Variants in RALGPS2 observed in about 807,000 individuals in gnomAD.
The protein encoded by RALGPS2 is ras-specific guanine nucleotide-releasing factor RalGPS2.
A neutral mutation model predicts 86.8 loss-of-function variants in RALGPS2; 43 were observed. That is an observed-to-expected ratio of 0.50 (90% CI 0.39 to 0.64). RALGPS2 has a LOEUF of 0.64. Ranked by LOEUF, RALGPS2 falls within the 30% of genes least tolerant of loss-of-function variation. The pLI is 0.00. For missense variants in RALGPS2, 536 were observed against 694.6 expected (o/e 0.77, Z 2.57); for synonymous variants, 243 against 231.3 (o/e 1.05, Z -0.46).
chr1:178,809,479 G>T (rs1654879335), intron 5 of RALGPS2, among the ~76,000 whole-genome samples: 1 of 151,158 alleles, frequency 6.6e-6, no homozygotes, highest in Non-Finnish European at 1.5e-5. Context: ...ATTTGTTTTT[G>T]ATCTCTAGAG....
chr1:178,819,921 A>G (rs571520451), intron 6 of RALGPS2, among the ~76,000 whole-genome samples: 1 of 152,144 alleles, frequency 6.6e-6, no homozygotes, highest in Non-Finnish European at 1.5e-5. Flanking sequence ...AAAATGTAGT[A>G]CACATCCATA....
chr1:178,800,431 A>G (rs1654414500), intron 4 of RALGPS2, among the ~76,000 whole-genome samples: 1 of 152,082 alleles, frequency 6.6e-6, no homozygotes, highest in South Asian at 2.1e-4. Context: ...AGACAACAAG[A>G]CCAACCCCTT....
At chr1:178,730,153 G>A (rs931052908) in intron 1 of RALGPS2, among the ~76,000 whole-genome samples, 9 of 152,130 alleles carry the variant, frequency 5.9e-5, no homozygotes, top group African/African-American at 2.2e-4. Flanking sequence ...TGTTGGCCAG[G>A]CTGTGAACTC....
chr1:178,843,300 A>G (rs1656688785), intron 8 of RALGPS2, among the ~76,000 whole-genome samples: 4 of 135,470 alleles, frequency 3.0e-5, no homozygotes, highest in African/African-American at 8.6e-5. Context: ...TGGCACATAT[A>G]CACCATGGAA....
intron 1 of RALGPS2, among the ~76,000 whole-genome samples, chr1:178,742,630 C>A (rs1169800508): frequency 6.6e-6 from 1 of 152,142 alleles, no homozygotes; most frequent in African/African-American, 2.4e-5. Context: ...TACAGAATCT[C>A]CACCCAACAA....
At chr1:178,782,842 A>G (rs1653461714) in intron 2 of RALGPS2, among the ~76,000 whole-genome samples, 1 of 152,156 alleles carries the variant, frequency 6.6e-6, no homozygotes, top group African/African-American at 2.4e-5. Flanking sequence ...AACAACACCA[A>G]ATTATAAGCA....
At chr1:178,759,831 A>T (rs889692954) in intron 1 of RALGPS2, among the ~76,000 whole-genome samples, 3 of 151,302 alleles carry the variant, frequency 2.0e-5, no homozygotes, top group Admixed American at 1.3e-4. Flanking sequence ...TATGTATTTA[A>T]TTTTTTTTGT....
In RALGPS2 at chr1:178,874,385, A is replaced by G. The variant is rs1658905945; in HGVS notation, c.608-3113A>G. Among the ~76,000 whole-genome samples, 4 of 152,214 alleles carry G rather than the reference A, an allele frequency of 2.6e-5. No individual in the cohort carries two copies. The South Asian group carries it at 8.3e-4, about 32-fold the overall frequency. ...TCAAATACACCTCAATTCAGAATAG[A>G]CCCACGAAACAGTAGTCACATGTGG... On this transcript the variant is annotated intron_variant, in intron 8 of 19. Transcript: ENST00000367635.
At chr1:178,839,614 A>C (rs961785377) in intron 8 of RALGPS2, among the ~76,000 whole-genome samples, 3 of 152,176 alleles carry the variant, frequency 2.0e-5, no homozygotes, top group African/African-American at 7.2e-5. Context: ...CTAATGAGCA[A>C]AATAACCAGC....
rs142157215 is a variant in RALGPS2 at position 178,918,969 on chromosome 1, C to G, written c.*2610C>G. On this transcript the variant is annotated 3_prime_UTR_variant, in exon 20 of 20. Transcript: ENST00000367635. ...CAGCATTCAGGTCATTTGTTTCACC[C>G]TTAGCCAAGAAGAACTCATTAGAAA... is the stretch of plus-strand genomic sequence containing the variant. 9.9e-5 allele frequency: 15 copies of G among 152,112 alleles called. No individual in the cohort carries two copies. In the East Asian group the frequency reaches 2.9e-3, roughly 29 times the overall value. The allele number at this position is 152,112 out of a possible 1,614,324, so 9.4% of individuals were successfully genotyped here. A position where few individuals can be genotyped will look rare whatever the true frequency, so the allele number is the denominator to read the frequency against.
intron 8 of RALGPS2, among the ~76,000 whole-genome samples, chr1:178,848,063 C>T (rs1656954085): frequency 6.6e-6 from 1 of 152,070 alleles, no homozygotes; most frequent in South Asian, 2.1e-4. Flanking sequence ...AATCCCAGTG[C>T]TTAGGGAGGC....
chr1:178,883,914 G>A (rs1343968542), intron 11 of RALGPS2, among the ~76,000 whole-genome samples: 8 of 151,970 alleles, frequency 5.3e-5, no homozygotes, highest in Admixed American at 1.3e-4. Flanking sequence ...GCGTGAACCC[G>A]GGAGGCAGAG....
intron 4 of RALGPS2, among the ~76,000 whole-genome samples, chr1:178,804,039 TC>T (rs2102180248): frequency 6.6e-6 from 1 of 151,644 alleles, no homozygotes; most frequent in South Asian, 2.1e-4. Context: ...CTTAACTGTT[TC>T]CTCAATCTTC....
intron 8 of RALGPS2, chr1:178,850,190 T>G (rs1039454747): frequency 4.6e-5 from 7 of 152,670 alleles, no homozygotes; most frequent in African/African-American, 1.7e-4. Flanking sequence ...GTTCTGAGCA[T>G]GCACTAATAC....
chr1:178,780,256 A>G (rs1193300793), intron 2 of RALGPS2, among the ~76,000 whole-genome samples: 2 of 152,142 alleles, frequency 1.3e-5, no homozygotes, highest in Admixed American at 6.6e-5. Flanking sequence ...GATCTTTAGC[A>G]GCTATCTTAG....
At chr1:178,801,981 C>T (rs997238974) in intron 4 of RALGPS2, among the ~76,000 whole-genome samples, 7 of 152,038 alleles carry the variant, frequency 4.6e-5, no homozygotes, top group Non-Finnish European at 1.0e-4. Context: ...GAAAACATTT[C>T]CCCCATGAAA....
At chr1:178,726,850 A>AT (rs1650043584) in intron 1 of RALGPS2, among the ~76,000 whole-genome samples, 8 of 152,228 alleles carry the variant, frequency 5.3e-5, no homozygotes, top group African/African-American at 1.9e-4. Context: ...TAGCTTGCTC[A>AT]TTATAAAGCC....
At chr1:178,824,456 A>G (rs557730449) in intron 7 of RALGPS2, among the ~76,000 whole-genome samples, 41 of 152,322 alleles carry the variant, frequency 2.7e-4, no homozygotes, top group Admixed American at 7.8e-4. Flanking sequence ...TACCAGTGAT[A>G]TGCTTGATGA....
intron 8 of RALGPS2, chr1:178,864,918 T>C: frequency 7.3e-7 from 1 of 1,365,114 alleles, no homozygotes; most frequent in Middle Eastern, 1.9e-4. Flanking sequence ...AATATAAACC[T>C]CATACTCCCA....
Sources: allele counts gnomAD v4.1 joint callset (sites outside exome capture counted in the v4.1 genomes callset), GRCh38; gene constraint gnomAD v4.1.1; transcripts MANE v1.5; gene names NCBI Gene and HGNC (gene_info 2026-07-23, HGNC 2026-07-21).